The following ALK variants were observed in gnomAD, a reference collection of about 807,000 sequenced individuals.
The protein encoded by ALK is ALK receptor tyrosine kinase.
ALK carries 74 observed loss-of-function variants against 163.1 expected under a neutral mutation model. That is an observed-to-expected ratio of 0.45 (90% CI 0.38 to 0.55). The LOEUF (loss-of-function observed/expected upper bound fraction) is 0.55. Ranked by LOEUF, ALK falls within the 20% of genes least tolerant of loss-of-function variation. ALK has a pLI of 0.00. For missense variants in ALK, 2,063 were observed against 2,105.3 expected (o/e 0.98, Z 0.39); for synonymous variants, 960 against 843.2 (o/e 1.14, Z -2.40).
At chr2:29,699,270 C>G (rs2631961) in intron 2 of ALK, among the ~76,000 whole-genome samples, 116,193 of 152,118 alleles carry the variant, frequency 0.76, 44,862 homozygotes, top group Non-Finnish European at 0.83. Flanking sequence ...CGGTCTTCCA[C>G]GCACTGTCCT....
At chr2:29,874,904 TGG>T (rs1666665746) in intron 1 of ALK, among the ~76,000 whole-genome samples, 1 of 152,206 alleles carries the variant, frequency 6.6e-6, no homozygotes, top group East Asian at 1.9e-4. Context: ...TCAGCTCTTC[TGG>T]CCTGACTGCA....
chr2:29,507,435 G>A (rs901939322), intron 4 of ALK, among the ~76,000 whole-genome samples: 1 of 152,176 alleles, frequency 6.6e-6, no homozygotes, highest in Admixed American at 6.5e-5. Context: ...TGATGAAAAG[G>A]TTCTAGAGAT....
rs779796155 is a variant in ALK at position 29,197,657 on chromosome 2, A to G, written c.3958T>C (p.Trp1320Arg). ...ATATATCCAAGAGAAAAGATTTCCC[A>G]TAGCAGCACTCCAAAGGACCTGGGC... ...TDTWSFGVLL[W>R]EIFSLGYMPY... The change falls in exon 27 of 29, where the codon TGG (tryptophan) becomes CGG (arginine). Residue 1320 changes from tryptophan to arginine, a missense_variant. Trp to Arg is a moderately radical substitution (Grantham distance 101). Coordinates refer to ENST00000389048, the MANE Select transcript of ALK (RefSeq NM_004304.5). 23 of 1,613,906 alleles carry G rather than the reference A, an allele frequency of 1.4e-5. No individual in the cohort carries two copies. The highest frequency in any genetic ancestry group is 1.9e-5 in the Non-Finnish European group (23 of 1,179,990).
At chr2:29,548,073 T>G (rs558246576) in intron 3 of ALK, among the ~76,000 whole-genome samples, 5 of 152,194 alleles carry the variant, frequency 3.3e-5, no homozygotes, top group Admixed American at 3.3e-4. Context: ...CCTTTCTGCT[T>G]CTTTCTTCTT....
chr2:29,874,067 C>A lies in ALK; in HGVS notation c.667+45926G>T, dbSNP rs553597189. Among the ~76,000 whole-genome samples, 4 of 152,270 alleles carry A rather than the reference C, an allele frequency of 2.6e-5. No individual in the cohort carries two copies. The South Asian group carries it at 8.3e-4, about 32-fold the overall frequency. ...AGCAGGAATTGCTCCACCATCAAAGCACCCATTAACTACTGACCAAATATA... is the reference window on the plus strand; with the variant it reads ...AGCAGGAATTGCTCCACCATCAAAGAACCCATTAACTACTGACCAAATATA... On this transcript the variant is annotated intron_variant, in intron 1 of 28. Transcript: ENST00000389048.
At chr2:29,752,616 G>A (rs1471772481) in intron 1 of ALK, among the ~76,000 whole-genome samples, 1 of 152,104 alleles carries the variant, frequency 6.6e-6, no homozygotes, top group Admixed American at 6.5e-5. Context: ...CCAAAGTGCT[G>A]GGATTACAGG....
At chr2:29,906,775 T>C (rs1340292076) in intron 1 of ALK, among the ~76,000 whole-genome samples, 1 of 152,064 alleles carries the variant, frequency 6.6e-6, no homozygotes, top group East Asian at 1.9e-4. Context: ...AATAAAGCAG[T>C]CTATGTCAAA....
chr2:29,204,499 C>T lies in ALK; in HGVS notation c.3938+2672G>A, dbSNP rs564734683. 8.6e-5 allele frequency among the ~76,000 whole-genome samples: 13 copies of T among 150,832 alleles called. 1 individual carries two copies. In the South Asian group the frequency reaches 1.9e-3, roughly 22 times the overall value. On this transcript the variant is annotated intron_variant, in intron 26 of 28. Transcript: ENST00000389048. ...TTTTCTCATGATTAGACTGTGGTTACGGGATGTGGGGAGGAAGAAGACCAC... is the reference window on the plus strand; with the variant it reads ...TTTTCTCATGATTAGACTGTGGTTATGGGATGTGGGGAGGAAGAAGACCAC...
At chr2:29,600,911 C>A (rs1004627636) in intron 3 of ALK, among the ~76,000 whole-genome samples, 2 of 152,150 alleles carry the variant, frequency 1.3e-5, no homozygotes, top group African/African-American at 2.4e-5. Context: ...GGGTTAGCAG[C>A]AAATTTCTTA....
chr2:29,253,585 C>A, intron 11 of ALK, among the ~76,000 whole-genome samples: 1 of 151,944 alleles, frequency 6.6e-6, no homozygotes, highest in Non-Finnish European at 1.5e-5. Flanking sequence ...GGATCCCGTG[C>A]CAACAGCACC....
intron 5 of ALK, among the ~76,000 whole-genome samples, chr2:29,329,164 T>C (rs1667365241): frequency 6.6e-6 from 1 of 152,214 alleles, no homozygotes; most frequent in East Asian, 1.9e-4. Flanking sequence ...CCTAGATAAT[T>C]AATTTTATCC....
At position 29,717,690 on chromosome 2, in the gene ALK, G is replaced by A. The variant is rs935626253; in HGVS notation, c.675C>T (p.Ser225=). Residue 225 remains serine, a synonymous_variant, in exon 2 of 29, where the codon AGC becomes AGT. Transcript: ENST00000389048. ...LLFQIFGTGH[S]SLESPTNMPS... ...GCATGTTTGTTGGTGATTCCAAGGA[G>A]CTATGACCTGGACATAAAAATAAAG... 1 of 1,614,162 alleles carries A rather than the reference G, an allele frequency of 6.2e-7. No homozygotes were observed. Among genetic ancestry groups the A allele is most frequent in the African/African-American group, 1.3e-5 (1 of 75,052 alleles).
At chr2:29,564,238 T>A (rs566013903) in intron 3 of ALK, among the ~76,000 whole-genome samples, 1 of 152,132 alleles carries the variant, frequency 6.6e-6, no homozygotes, top group Non-Finnish European at 1.5e-5. Flanking sequence ...TGGCACCCCA[T>A]GAACAAACAA....
At chr2:29,873,868 A>G (rs767644381) in intron 1 of ALK, among the ~76,000 whole-genome samples, 1 of 152,080 alleles carries the variant, frequency 6.6e-6, no homozygotes, top group Non-Finnish European at 1.5e-5. Context: ...CACTCTGGGC[A>G]TCAAAATCGC....
At chr2:29,613,072 G>A (rs995975694) in intron 3 of ALK, among the ~76,000 whole-genome samples, 72 of 152,144 alleles carry the variant, frequency 4.7e-4, no homozygotes, top group African/African-American at 1.6e-3. Flanking sequence ...AAAATGTTGA[G>A]AACAAATTCA....
At chr2:29,426,264 A>G (rs1670134091) in intron 4 of ALK, among the ~76,000 whole-genome samples, 1 of 152,200 alleles carries the variant, frequency 6.6e-6, no homozygotes, top group African/African-American at 2.4e-5. Flanking sequence ...AGACTACACT[A>G]AAGCCAAATA....
rs777630523 is a variant in ALK at position 29,328,422 on chromosome 2, C to T, written c.1342G>A (p.Val448Ile). 1 of 1,614,224 alleles carries T rather than the reference C, an allele frequency of 6.2e-7. No individual in the cohort carries two copies. Among genetic ancestry groups the T allele is most frequent in the South Asian group, 1.1e-5 (1 of 91,086 alleles). Residue 448 changes from valine (V) to isoleucine (I), a missense_variant, in exon 6 of 29, where the codon GTC becomes ATC. Around this residue, in one of 5 missense-constraint regions of ALK, gnomAD observed 987 missense variants for 939.5 expected, o/e 1.05. Transcript: ENST00000389048. ...QSSFTCWNGT[V>I]LQLGQACDFH... The stretch of plus-strand genomic sequence containing the variant: ...TCACAGGCCTGCCCAAGCTGGAGGA[C>T]TGTCCCATTCCAACAAGTGAAGGAG...
At chr2:29,757,593 T>TTGTG (rs35768373) in intron 1 of ALK, among the ~76,000 whole-genome samples, 6,429 of 148,280 alleles carry the variant, frequency 0.043, 165 homozygotes, top group Middle Eastern at 0.088. Context: ...TTTTGTTTGT[T>TTGTG]TGTGTGTGTG....
At chr2:29,213,490 C>T (rs1669516029) in intron 24 of ALK, among the ~76,000 whole-genome samples, 2 of 152,184 alleles carry the variant, frequency 1.3e-5, no homozygotes, top group Admixed American at 1.3e-4. Context: ...CCTTAACTTC[C>T]CCATAAGGAG....
Sources: gnomAD v4.1 joint callset for allele counts (sites outside exome capture counted in the v4.1 genomes callset) on GRCh38, gnomAD v4.1.1 for gene constraint, gnomAD v4.1.1 regional missense constraint, MANE v1.5 for transcripts, NCBI Gene and HGNC (gene_info 2026-07-23, HGNC 2026-07-21) for gene names.